CDH26: variants seen among roughly 807,000 people sequenced by gnomAD.
CDH26 encodes cadherin 26.
In CDH26, 83 loss-of-function variants were observed where a neutral mutation model predicts 90.3. The observed-to-expected ratio is 0.92, with a 90% CI of 0.77 to 1.10. The LOEUF (loss-of-function observed/expected upper bound fraction) is 1.10. Among genes scored for constraint, CDH26 ranks in the 50% least tolerant of loss-of-function variants. CDH26 has a pLI of 0.00. For missense variants in CDH26, 1,013 were observed against 1,037.6 expected (o/e 0.98, Z 0.33); for synonymous variants, 397 against 396.3 (o/e 1.00, Z -0.02).
Position 60,012,524 on chromosome 20 carries a change from C to T in CDH26, c.2296-3C>T. On this transcript the variant is annotated splice_polypyrimidine_tract_variant and splice_region_variant and intron_variant, in intron 17 of 17. Coordinates refer to ENST00000348616, the MANE Select transcript of CDH26 (RefSeq NM_177980.4). ...ACCTTCTCTTTCCCCCACTTTTCCC[C>T]AGAAACTCCATGTTGCCAATGTGCT... 1.9e-6 allele frequency: 3 copies of T among 1,610,120 alleles called. No individual in the cohort carries two copies. Among genetic ancestry groups the T allele is most frequent in the South Asian group, 1.1e-5 (1 of 90,576 alleles).
rs1180103626 is a variant in CDH26 at position 60,030,913 on chromosome 20, C to T, written c.948-318C>T. On this transcript the variant is annotated intron_variant, in intron 7 of 8. Transcript: ENST00000370991. The surrounding 1 kb of genome is among the most constrained non-coding windows in gnomAD (Gnocchi z 4.0). ...AACCAGCCCGGAGTGAAAACATTTC[C>T]TTCAAAAGTTTTTGTTTTTCAAAGT... 6.6e-6 allele frequency among the ~76,000 whole-genome samples: 1 copy of T among 152,150 alleles called. No homozygotes were observed. Among genetic ancestry groups the T allele is most frequent in the African/African-American group, 2.4e-5 (1 of 41,444 alleles).
At chr20:60,009,494 G>A (rs1195027613) in intron 17 of CDH26, among the ~76,000 whole-genome samples, 2 of 152,232 alleles carry the variant, frequency 1.3e-5, no homozygotes, top group Non-Finnish European at 2.9e-5. Flanking sequence ...TGTGTGGACA[G>A]TATCGCAGGT....
intron 7 of CDH26, among the ~76,000 whole-genome samples, chr20:59,986,616 TACACACACACACACACAC>T (rs3043440): frequency 4.4e-5 from 6 of 136,768 alleles, no homozygotes; most frequent in African/African-American, 1.1e-4. Context: ...TAAATCCCCC[TACACACACACACACACAC>T]ACACACACAC....
chr20:60,035,623 A>G (rs865910593), downstream of CDH26, among the ~76,000 whole-genome samples: 1 of 150,324 alleles, frequency 6.7e-6, no homozygotes, highest in Non-Finnish European at 1.5e-5. Context: ...AATGCTTTGT[A>G]TGTGGTATGG....
At chr20:59,978,840 A>G (rs1342181489) in intron 4 of CDH26, among the ~76,000 whole-genome samples, 1 of 152,222 alleles carries the variant, frequency 6.6e-6, no homozygotes, top group Non-Finnish European at 1.5e-5. Context: ...ATTAGATTTG[A>G]TATGAAGTTT....
At chr20:60,029,519 C>A (rs1264222063) in intron 7 of CDH26, among the ~76,000 whole-genome samples, 1 of 152,184 alleles carries the variant, frequency 6.6e-6, no homozygotes, top group Non-Finnish European at 1.5e-5. Context: ...GCAGAAGGTG[C>A]AGGTTTGTTA....
chr20:60,033,623 G>A (rs1381221271), exon 9 of CDH26: 1 of 1,304,842 alleles, frequency 7.7e-7, no homozygotes, highest in African/African-American at 1.5e-5. Flanking sequence ...TTTCCCAGGA[G>A]ACTACAGAGG....
chr20:60,015,548 T>C (rs1019802054), downstream of CDH26, among the ~76,000 whole-genome samples: 2 of 152,240 alleles, frequency 1.3e-5, no homozygotes, highest in Non-Finnish European at 2.9e-5. Context: ...GATAAATAGT[T>C]TGCAGATATT....
At chr20:60,020,909 T>G (rs1210094264) in intron 7 of CDH26, among the ~76,000 whole-genome samples, 3 of 152,188 alleles carry the variant, frequency 2.0e-5, no homozygotes, top group Non-Finnish European at 4.4e-5. Context: ...AGTGATCTTC[T>G]GCTTACCTTT....
intron 17 of CDH26, among the ~76,000 whole-genome samples, chr20:60,010,485 A>G (rs1415918461): frequency 6.6e-6 from 1 of 152,152 alleles, no homozygotes; most frequent in Non-Finnish European, 1.5e-5. Context: ...TAAATAGGCT[A>G]AAGTCCCTCT....
chr20:60,033,198 C>T (rs927088102), intron 8 of CDH26, among the ~76,000 whole-genome samples: 1 of 152,118 alleles, frequency 6.6e-6, no homozygotes, highest in Admixed American at 6.5e-5. Flanking sequence ...ATTGCTTTGT[C>T]GGTAAAATGG....
intron 14 of CDH26, among the ~76,000 whole-genome samples, chr20:60,001,018 T>G (rs2061668846): frequency 6.6e-6 from 1 of 152,208 alleles, no homozygotes; most frequent in East Asian, 1.9e-4. Flanking sequence ...CTAAACAGTT[T>G]CACCTGTGAG....
chr20:60,007,573 A>T (rs2061770464), intron 17 of CDH26, among the ~76,000 whole-genome samples: 1 of 152,144 alleles, frequency 6.6e-6, no homozygotes, highest in African/African-American at 2.4e-5. Flanking sequence ...ATGCAAACGG[A>T]GGGGCTGGTT....
At position 60,021,473 on chromosome 20, in the gene CDH26, G is replaced by A. The variant is rs867349055; in HGVS notation, c.948-9758G>A. Among the ~76,000 whole-genome samples the A allele has an allele frequency of 2.0e-5, 3 of 152,062 alleles. No individual in the cohort carries two copies. The South Asian group carries it at 6.2e-4, about 32-fold the overall frequency. ...AAGTGTGCTTGACTCCTTCTCTGGG[G>A]AATTCTATTTGGAACCTCTACATCA... On this transcript the variant is annotated intron_variant, in intron 7 of 8. Transcript: ENST00000370991.
chr20:60,006,722 G>A lies in CDH26; in HGVS notation c.2230G>A (p.Asp744Asn). 6.2e-7 allele frequency: 1 copy of A among 1,613,936 alleles called. No homozygotes were observed. Among genetic ancestry groups the A allele is most frequent in the African/African-American group, 1.3e-5 (1 of 75,032 alleles). Residue 744 changes from aspartate to asparagine, a missense_variant, in exon 17 of 18, where the codon GAT (aspartate) becomes AAT (asparagine). Asp to Asn is a conservative substitution (Grantham distance 23). Coordinates refer to ENST00000348616, the MANE Select transcript of CDH26 (RefSeq NM_177980.4). Reference sequence around the variant, plus strand: ...ACTGGTTTGCTTGCAGGCTTACCCAGATGCCACAATGCACAGACAACTCCT... The same window carrying A: ...ACTGGTTTGCTTGCAGGCTTACCCAAATGCCACAATGCACAGACAACTCCT... The part of the protein sequence containing the change: ...KNIHSTPAYP[D>N]ATMHRQLLAP...
At chr20:60,032,596 C>T (rs2122802694) in intron 8 of CDH26, among the ~76,000 whole-genome samples, 1 of 152,002 alleles carries the variant, frequency 6.6e-6, no homozygotes, top group Non-Finnish European at 1.5e-5. Context: ...TTGGAACCAA[C>T]CCAAATATCC....
intron 15 of CDH26, 97 bp downstream of exon 15, chr20:60,001,508 C>T (rs1188178949): frequency 1.3e-6 from 2 of 1,511,102 alleles, no homozygotes; most frequent in East Asian, 2.4e-5. Context: ...TTCGGTGATA[C>T]TGTCAGAAAA....
At chr20:59,967,328 C>G (rs1465565332) in intron 1 of CDH26, among the ~76,000 whole-genome samples, 2 of 152,136 alleles carry the variant, frequency 1.3e-5, no homozygotes, top group Non-Finnish European at 2.9e-5. Context: ...CTATTTCTTT[C>G]TGTATGCTCA....
downstream of CDH26, among the ~76,000 whole-genome samples, chr20:60,035,884 C>T (rs1193940476): frequency 6.6e-6 from 1 of 151,912 alleles, no homozygotes; most frequent in Non-Finnish European, 1.5e-5. Context: ...CCCGAGGCCT[C>T]CCCAGCCCTA....
Sources: allele counts gnomAD v4.1 joint callset (sites outside exome capture counted in the v4.1 genomes callset), GRCh38; gene constraint gnomAD v4.1.1; non-coding constraint Gnocchi (gnomAD v3.1); transcripts MANE v1.5; gene names NCBI Gene and HGNC (gene_info 2026-07-23, HGNC 2026-07-21).